Variants in PCDH15 observed in about 807,000 individuals in gnomAD.
The protein encoded by PCDH15 is protocadherin related 15.
A neutral mutation model predicts 178.5 loss-of-function variants in PCDH15; 129 were observed. The ratio of observed to expected loss-of-function variants is 0.72; its 90% CI spans 0.63 to 0.84. The LOEUF (loss-of-function observed/expected upper bound fraction) is 0.84. Ranked by LOEUF, PCDH15 falls within the 40% of genes least tolerant of loss-of-function variation. The pLI is 0.00. For missense variants in PCDH15, 2,230 were observed against 2,099.9 expected (o/e 1.06, Z -1.21); for synonymous variants, 800 against 732.0 (o/e 1.09, Z -1.50).
chr10:54,111,984 A>AC (rs1231705631), intron 15 of PCDH15, among the ~76,000 whole-genome samples: 1 of 74,970 alleles, frequency 1.3e-5, no homozygotes. Flanking sequence ...AAAAAAAAAA[A>AC]AAACAAAACT....
chr10:55,557,339 T>C (rs1451116904), intron 2 of PCDH15, among the ~76,000 whole-genome samples: 1 of 152,156 alleles, frequency 6.6e-6, no homozygotes, highest in African/African-American at 2.4e-5. Flanking sequence ...TATTCACTAA[T>C]TTTTACTTTT....
At chr10:54,581,100 A>G (rs1256983308) in intron 2 of PCDH15, among the ~76,000 whole-genome samples, 2 of 152,084 alleles carry the variant, frequency 1.3e-5, no homozygotes, top group African/African-American at 4.8e-5. Flanking sequence ...TCTTAGAGCA[A>G]TCAAAGAAGA....
chr10:54,855,209 G>C (rs553408580), intron 3 of PCDH15, among the ~76,000 whole-genome samples: 2 of 152,310 alleles, frequency 1.3e-5, no homozygotes, highest in East Asian at 3.9e-4. Context: ...GCCTTCCCAG[G>C]CCTCTAAAGG....
At chr10:54,776,430 A>G (rs1949708329) in intron 1 of PCDH15, among the ~76,000 whole-genome samples, 1 of 148,988 alleles carries the variant, frequency 6.7e-6, no homozygotes, top group African/African-American at 2.5e-5. Context: ...AGTTCTAACC[A>G]TACAATTAAA....
intron 9 of PCDH15, among the ~76,000 whole-genome samples, chr10:54,235,932 G>T (rs1290678661): frequency 1.3e-5 from 2 of 152,126 alleles, no homozygotes; most frequent in African/African-American, 4.8e-5. Context: ...GCTTGAAACA[G>T]AATTGCTTGA....
chr10:54,920,244 G>A (rs888795137), intron 2 of PCDH15, among the ~76,000 whole-genome samples: 19 of 152,062 alleles, frequency 1.2e-4, no homozygotes, highest in African/African-American at 4.3e-4. Flanking sequence ...GCCGAGGCGG[G>A]CAGATCACTA....
rs372353608 is a variant in PCDH15, at chr10:54,185,119, A to G, written c.1440+15T>C. ...TTCATACATACATATGTATATTTAC[A>G]CAAAAGCTCTTTACCGAAAAGGTGT... On this transcript the variant is annotated intron_variant, in intron 12 of 37. Transcript: ENST00000644397. 2 of 1,612,458 alleles carry G rather than the reference A, an allele frequency of 1.2e-6. No homozygotes were observed.
At chr10:54,201,737 G>A (rs991192408) in intron 10 of PCDH15, among the ~76,000 whole-genome samples, 5 of 82,106 alleles carry the variant, frequency 6.1e-5, no homozygotes, top group African/African-American at 1.6e-4. Flanking sequence ...AGATATTTAT[G>A]GATGTTTTTC....
intron 2 of PCDH15, among the ~76,000 whole-genome samples, chr10:55,552,751 A>T (rs1589133499): frequency 6.6e-6 from 1 of 151,632 alleles, no homozygotes; most frequent in African/African-American, 2.4e-5. Flanking sequence ...TACAAATATT[A>T]TAAAACATAA....
At position 54,307,104 on chromosome 10, in the gene PCDH15, GTATATATATATATATA is replaced by G. The variant is rs1170885233; in HGVS notation, c.876+10151_876+10166del. Among the ~76,000 whole-genome samples the G allele has an allele frequency of 1.3e-3, 34 of 26,556 alleles. 2 individuals carry two copies. Among genetic ancestry groups the G allele is most frequent in the Admixed American group, 2.9e-3 (7 of 2,376 alleles). The allele number at this position is 26,556 out of a possible 152,430, so 17.4% of individuals were successfully genotyped here. On this transcript the variant is annotated intron_variant, in intron 8 of 37. Transcript: ENST00000644397. The stretch of plus-strand genomic sequence containing the variant: ...TACATATATATATATGTGTGTGTGT[GTATATATATATATATA>G]TATATATATATATATATATATATAT...
At chr10:54,575,339 C>T (rs10825362) in intron 2 of PCDH15, 143,498 of 153,254 alleles carry the variant, frequency 0.94, 67,457 homozygotes, top group Non-Finnish European at 0.98. Flanking sequence ...TATTATTTCT[C>T]GTCAGTTCTT....
intron 2 of PCDH15, among the ~76,000 whole-genome samples, chr10:55,516,930 C>G (rs1012888949): frequency 6.6e-6 from 1 of 151,900 alleles, no homozygotes; most frequent in Non-Finnish European, 1.5e-5. Context: ...CTGCTACCAA[C>G]TATAAAGGCT....
intron 2 of PCDH15, among the ~76,000 whole-genome samples, chr10:54,590,785 C>A (rs939461518): frequency 6.6e-6 from 1 of 152,032 alleles, no homozygotes; most frequent in East Asian, 1.9e-4. Flanking sequence ...AAGCATTTTG[C>A]ACCCTCTAAA....
chr10:54,565,568 G>A (rs1274311874), intron 2 of PCDH15, among the ~76,000 whole-genome samples: 1 of 152,200 alleles, frequency 6.6e-6, no homozygotes, highest in Non-Finnish European at 1.5e-5. Flanking sequence ...TGAGGATGAT[G>A]ATGATGTCAA....
chr10:54,390,205 G>A (rs1589168875), intron 3 of PCDH15, among the ~76,000 whole-genome samples: 1 of 152,240 alleles, frequency 6.6e-6, no homozygotes, highest in East Asian at 1.9e-4. Flanking sequence ...GTATTTTGTT[G>A]TCCATTGTCT....
chr10:55,498,616 T>C, intron 2 of PCDH15, among the ~76,000 whole-genome samples: 1 of 151,886 alleles, frequency 6.6e-6, no homozygotes, highest in East Asian at 1.9e-4. Flanking sequence ...AGTCATACTA[T>C]GCCAAGTATG....
intron 2 of PCDH15, among the ~76,000 whole-genome samples, chr10:55,579,453 T>A (rs1368531975): frequency 6.6e-6 from 1 of 152,158 alleles, no homozygotes; most frequent in Non-Finnish European, 1.5e-5. Context: ...TCTGTAACTG[T>A]CCTTAACTAC....
chr10:53,815,432 G>GTGTT (rs1253695663), intron 35 of PCDH15, among the ~76,000 whole-genome samples: 2 of 152,104 alleles, frequency 1.3e-5, no homozygotes, highest in Non-Finnish European at 2.9e-5. Flanking sequence ...AAAGTCATTG[G>GTGTT]TGTTTGGATT....
chr10:54,299,795 G>A (rs549976161), intron 8 of PCDH15, among the ~76,000 whole-genome samples: 61 of 152,228 alleles, frequency 4.0e-4, no homozygotes, highest in Middle Eastern at 6.8e-3. Context: ...CTGCTCAAAC[G>A]TGCGAGTTGT....
Sources: gnomAD v4.1 joint callset for allele counts (sites outside exome capture counted in the v4.1 genomes callset) on GRCh38, gnomAD v4.1.1 for gene constraint, MANE v1.5 for transcripts, NCBI Gene and HGNC (gene_info 2026-07-23, HGNC 2026-07-21) for gene names.